The following GPR20 variants were observed in gnomAD, a reference collection of about 807,000 sequenced individuals.
GPR20 encodes CTD-3064M3.3.
For synonymous variants in GPR20, 241 were observed against 241.9 expected, an observed-to-expected ratio of 1.00 and a Z score of 0.04; for missense variants, 494 against 527.4, an observed-to-expected ratio of 0.94 and a Z score of 0.62.
Position 141,357,891 on chromosome 8 carries a change from G to GGCCGAGGGCCCCGCTGGAGAC in GPR20, c.12_32dup (p.Ser5_Ala11dup), listed in dbSNP as rs1563705513. On this transcript the variant is annotated inframe_insertion, in exon 2 of 2. Transcript: ENST00000377741. ...CTGCGGTGGCATTGGGGACTGCCCC[G>GGCCGAGGGCCCCGCTGGAGAC]GCCGAGGGCCCCGCTGGAGACACAG... The GGCCGAGGGCCCCGCTGGAGAC allele has an allele frequency of 6.3e-7, 1 of 1,589,348 alleles. No individual in the cohort carries two copies. The highest frequency in any genetic ancestry group is 1.7e-4 in the Middle Eastern group (1 of 6,018).
rs267601804 is a variant in GPR20 at position 141,356,884 on chromosome 8, G to A, written c.1040C>T (p.Ala347Val). Residue 347 changes from alanine (A) to valine (V), a missense_variant, in exon 2 of 2, where the codon GCC becomes GTC. Ala to Val is a moderately conservative substitution (Grantham distance 64, BLOSUM62 0). Transcript: ENST00000377741. ...RHHILSAGPH[A>V]LTQALANGPE... ...CCCATTAGCCAGGGCCTGGGTGAGG[G>A]CGTGAGGGCCGGCACTGAGGATGTG... 6.2e-7 allele frequency: 1 copy of A among 1,608,254 alleles called. No homozygotes were observed. The highest frequency in any genetic ancestry group is 8.5e-7 in the Non-Finnish European group (1 of 1,176,940).
intron 1 of GPR20, among the ~76,000 whole-genome samples, chr8:141,365,506 G>A (rs1483869156): frequency 1.3e-5 from 2 of 152,230 alleles, no homozygotes; most frequent in South Asian, 2.1e-4. Context: ...GCAGTTTGGA[G>A]GTGTCAGACC....
intron 1 of GPR20, among the ~76,000 whole-genome samples, chr8:141,360,481 T>C (rs888227678): frequency 2.0e-5 from 3 of 152,224 alleles, no homozygotes; most frequent in Non-Finnish European, 2.9e-5. Flanking sequence ...CCCAGCTTCG[T>C]CTGGCTGTCT....
intron 1 of GPR20, among the ~76,000 whole-genome samples, chr8:141,365,246 C>T (rs1350127649): frequency 6.6e-6 from 1 of 152,226 alleles, no homozygotes; most frequent in Non-Finnish European, 1.5e-5. Context: ...TGGGCTCATC[C>T]TTCCCAGGGT....
rs552892342 is a variant in GPR20, at chr8:141,366,572, G to T, written c.-25+629C>A. ...AGGGCTGGCAAGCAAGCCTTCCCTG[G>T]GACTCAGTTTCCCCACCCCTAAGGG... On this transcript the variant is annotated intron_variant, in intron 1 of 1. Coordinates refer to ENST00000377741, the MANE Select transcript of GPR20 (RefSeq NM_005293.3). Among the ~76,000 whole-genome samples the T allele has an allele frequency of 1.7e-3, 263 of 152,346 alleles. 2 individuals carry two copies. Among genetic ancestry groups the T allele is most frequent in the African/African-American group, 5.6e-3 (232 of 41,584 alleles).
intron 1 of GPR20, among the ~76,000 whole-genome samples, chr8:141,362,101 T>C (rs928922285): frequency 6.6e-6 from 1 of 152,212 alleles, no homozygotes; most frequent in Non-Finnish European, 1.5e-5. Context: ...CTCCAGTCAC[T>C]GCACCTGACT....
At chr8:141,361,750 G>T (rs1831737069) in intron 1 of GPR20, among the ~76,000 whole-genome samples, 1 of 140,384 alleles carries the variant, frequency 7.1e-6, no homozygotes, top group African/African-American at 3.1e-5. Context: ...GCTGTCTTGG[G>T]CCTTGGCTGA....
intron 1 of GPR20, among the ~76,000 whole-genome samples, chr8:141,366,453 C>T (rs1336029111): frequency 1.3e-5 from 2 of 152,220 alleles, no homozygotes; most frequent in East Asian, 1.9e-4. Flanking sequence ...GTTCCCAGCC[C>T]GCTGCCCCCT....
chr8:141,357,368 G>C lies in GPR20; in HGVS notation c.556C>G (p.Leu186Val), dbSNP rs1831663031. ...LAAGAVTLSV[L>V]GVTGSRPCCR... ...CAGGGCCGGCTGCCTGTCACGCCCA[G>C]CACCGACAGGGTGACGGCACCGGCG... Residue 186 changes from leucine to valine, a missense_variant, in exon 2 of 2, where the codon CTG becomes GTG. Transcript: ENST00000377741. 1.3e-6 allele frequency: 2 copies of C among 1,563,768 alleles called. No individual in the cohort carries two copies. Among genetic ancestry groups the C allele is most frequent in the Non-Finnish European group, 1.7e-6 (2 of 1,158,808 alleles).
chr8:141,363,561 C>T (rs1283829849), intron 1 of GPR20, among the ~76,000 whole-genome samples: 12 of 152,262 alleles, frequency 7.9e-5, no homozygotes, highest in Middle Eastern at 3.2e-3. Flanking sequence ...TCCCTGCCCT[C>T]ACCCACAGCT....
In GPR20 at chr8:141,356,783, TG is replaced by T; in HGVS notation, c.*63del. The T allele has an allele frequency of 8.6e-7, 1 of 1,169,158 alleles. No homozygotes were observed. Among genetic ancestry groups the T allele is most frequent in the Non-Finnish European group, 1.2e-6 (1 of 823,754 alleles). 72.4% of individuals were successfully genotyped at this position (1,169,158 alleles called of 1,614,324 possible). A position where few individuals can be genotyped will look rare whatever the true frequency, so the allele number is the denominator to read the frequency against. Reference sequence around the variant, plus strand: ...GAACCGATTGCCACCCCTGGCATGGTGGGTGTCCACGCTGGCATGCCCAGAT... The same window carrying T: ...GAACCGATTGCCACCCCTGGCATGGTGGTGTCCACGCTGGCATGCCCAGAT... On this transcript the variant is annotated 3_prime_UTR_variant, in exon 2 of 2. Coordinates refer to ENST00000377741, the MANE Select transcript of GPR20 (RefSeq NM_005293.3).
chr8:141,362,115 G>C (rs907330126), intron 1 of GPR20, among the ~76,000 whole-genome samples: 1 of 152,338 alleles, frequency 6.6e-6, no homozygotes, highest in Admixed American at 6.5e-5. Flanking sequence ...CCTGACTGAT[G>C]CTTCTGCAGG....
In GPR20 at chr8:141,357,783, G is replaced by T. The variant is rs1456736771; in HGVS notation, c.141C>A (p.Gly47=). Residue 47 remains glycine, a synonymous_variant, in exon 2 of 2, where the codon GGC becomes GGA. Coordinates refer to ENST00000377741, the MANE Select transcript of GPR20 (RefSeq NM_005293.3). ...LFARLDEELH[G]TFPGLWLALM... is the part of the protein sequence containing the mutation. The stretch of plus-strand genomic sequence containing the variant: ...GCGCCAGCCACAGGCCTGGGAAGGT[G>T]CCATGCAGCTCCTCGTCCAGCCGGG... The T allele has an allele frequency of 6.2e-7, 1 of 1,613,436 alleles. No individual in the cohort carries two copies. Among genetic ancestry groups the T allele is most frequent in the Admixed American group, 1.7e-5 (1 of 60,026 alleles).
intron 1 of GPR20, among the ~76,000 whole-genome samples, chr8:141,363,282 G>C (rs113624883): frequency 6.6e-6 from 1 of 152,258 alleles, no homozygotes; most frequent in African/African-American, 2.4e-5. Context: ...ATAAGAGCAC[G>C]GGAGGCTCCT....
chr8:141,360,617 C>T (rs542296936), intron 1 of GPR20, among the ~76,000 whole-genome samples: 2 of 152,330 alleles, frequency 1.3e-5, no homozygotes, highest in South Asian at 2.1e-4. Flanking sequence ...GGAATGCAAG[C>T]GGGGACTCTA....
At chr8:141,362,189 G>C (rs75630478) in intron 1 of GPR20, among the ~76,000 whole-genome samples, 3,116 of 152,318 alleles carry the variant, frequency 0.02, 113 homozygotes, top group African/African-American at 0.07. Context: ...AGCTGTTCCT[G>C]CTCTCTCCCT....
Position 141,356,780 on chromosome 8 carries a change from TG to T in GPR20, c.*66del. 1 of 1,138,306 alleles carries T rather than the reference TG, an allele frequency of 8.8e-7. No homozygotes were observed. The highest frequency in any genetic ancestry group is 1.3e-6 in the Non-Finnish European group (1 of 796,208). 70.5% of individuals were successfully genotyped at this position (1,138,306 alleles called of 1,614,324 possible). A position where few individuals can be genotyped will look rare whatever the true frequency, so the allele number is the denominator to read the frequency against. Reference sequence around the variant, plus strand: ...ATGGAACCGATTGCCACCCCTGGCATGGTGGGTGTCCACGCTGGCATGCCCA... The same window carrying T: ...ATGGAACCGATTGCCACCCCTGGCATGTGGGTGTCCACGCTGGCATGCCCA... On this transcript the variant is annotated 3_prime_UTR_variant, in exon 2 of 2. Transcript: ENST00000377741.
intron 1 of GPR20, among the ~76,000 whole-genome samples, chr8:141,361,602 G>A (rs569284752): frequency 1.3e-5 from 2 of 152,314 alleles, no homozygotes; most frequent in East Asian, 3.9e-4. Flanking sequence ...TGGGTGTGCA[G>A]CCTAGACCAG....
rs777469756 is a variant in GPR20, at chr8:141,357,674, C to T, written c.250G>A (p.Ala84Thr). The T allele has an allele frequency of 5.6e-6, 9 of 1,613,872 alleles. No individual in the cohort carries two copies. The highest frequency in any genetic ancestry group is 5.9e-6 in the Non-Finnish European group (7 of 1,180,006). ...ALYVFCCRTR[A>T]KTPSVIYTIN... ...GTGTAGATGACTGAGGGTGTCTTGG[C>T]CCGGGTGCGGCAGCAGAAGACGTAC... The change falls in exon 2 of 2, where the codon GCC (alanine) becomes ACC (threonine). Residue 84 changes from alanine to threonine, a missense_variant. Ala to Thr is a moderately conservative substitution (Grantham distance 58). Transcript: ENST00000377741.
Sources: gnomAD v4.1 joint callset for allele counts (sites outside exome capture counted in the v4.1 genomes callset) on GRCh38, gnomAD v4.1.1 for gene constraint, MANE v1.5 for transcripts, NCBI Gene and HGNC (gene_info 2026-07-23, HGNC 2026-07-21) for gene names.